CDH23: variants seen among roughly 807,000 people sequenced by gnomAD.
CDH23 encodes the protein cadherin related 23.
A neutral mutation model predicts 317.1 loss-of-function variants in CDH23; 189 were observed. That is an observed-to-expected ratio of 0.60 (90% CI 0.53 to 0.67). The LOEUF (loss-of-function observed/expected upper bound fraction) is 0.67. Ranked by LOEUF, CDH23 falls within the 30% of genes least tolerant of loss-of-function variation. The probability of loss-of-function intolerance (pLI) is 0.00; values close to 1 mark genes in which losing one functional copy is unlikely to be tolerated. For missense variants in CDH23, 4,401 were observed against 4,592.4 expected, an observed-to-expected ratio of 0.96 and a Z score of 1.20; for synonymous variants, 1,839 against 1,876.8, an observed-to-expected ratio of 0.98 and a Z score of 0.52.
At chr10:71,530,960 A>G (rs1855341765) in intron 6 of CDH23, among the ~76,000 whole-genome samples, 1 of 152,240 alleles carries the variant, frequency 6.6e-6, no homozygotes, top group Non-Finnish European at 1.5e-5. Flanking sequence ...CATGATACAT[A>G]GAGAGCCTGT....
At chr10:71,583,252 G>A (rs1053448388) in intron 9 of CDH23, among the ~76,000 whole-genome samples, 1 of 152,078 alleles carries the variant, frequency 6.6e-6, no homozygotes, top group African/African-American at 2.4e-5. Context: ...GGCGGGGTGG[G>A]GGCGGGGGTC....
At chr10:71,472,188 G>T (rs1385742809) in intron 3 of CDH23, among the ~76,000 whole-genome samples, 1 of 152,208 alleles carries the variant, frequency 6.6e-6, no homozygotes, top group Non-Finnish European at 1.5e-5. Context: ...TTCTGCCTGG[G>T]TTTAGCCAAC....
chr10:71,596,379 C>A (rs1359879420), intron 9 of CDH23, among the ~76,000 whole-genome samples: 1 of 152,110 alleles, frequency 6.6e-6, no homozygotes, highest in East Asian at 1.9e-4. Context: ...GGATTCGAAC[C>A]CAGGTCTGCA....
chr10:71,791,870 C>T (rs554089501), intron 47 of CDH23, among the ~76,000 whole-genome samples: 6 of 152,210 alleles, frequency 3.9e-5, no homozygotes, highest in Non-Finnish European at 7.3e-5. Flanking sequence ...GCCACCACGC[C>T]TGGCCTACAA....
intron 9 of CDH23, among the ~76,000 whole-genome samples, chr10:71,611,922 G>T (rs913563276): frequency 1.3e-5 from 2 of 152,186 alleles, no homozygotes; most frequent in African/African-American, 4.8e-5. Flanking sequence ...TGAACTTGAA[G>T]GAATGAGTGA....
intron 39 of CDH23, 41 bp from the exon 40 acceptor site, chr10:71,778,148 C>T (rs1038702972): frequency 1.2e-6 from 2 of 1,611,836 alleles, no homozygotes; most frequent in South Asian, 2.2e-5. Flanking sequence ...GCAGACCTAC[C>T]ACCCCTAGAT....
At chr10:71,765,420 G>A (rs955773735) in intron 38 of CDH23, among the ~76,000 whole-genome samples, 5 of 152,236 alleles carry the variant, frequency 3.3e-5, no homozygotes, top group South Asian at 2.1e-4. Flanking sequence ...GCGCAAAGCT[G>A]AGCTGGGTGG....
chr10:71,737,839 C>A (rs750220388), intron 34 of CDH23: 1 of 464,536 alleles, frequency 2.2e-6, no homozygotes, highest in South Asian at 1.5e-5. Flanking sequence ...AGACACAAAA[C>A]AATATGCTCT....
chr10:71,472,912 G>A (rs541662291), intron 3 of CDH23, among the ~76,000 whole-genome samples: 10 of 152,326 alleles, frequency 6.6e-5, no homozygotes, highest in Non-Finnish European at 1.2e-4. Flanking sequence ...ATTAATACCC[G>A]AATAATGCAT....
rs190331659 is a variant in CDH23, at chr10:71,450,374, T to G, written c.145+3979T>G. Among the ~76,000 whole-genome samples, 960 of 151,122 alleles carry G rather than the reference T, an allele frequency of 6.4e-3. 11 individuals are homozygous for G. Among genetic ancestry groups the G allele is most frequent in the African/African-American group, 0.022 (913 of 41,170 alleles). On this transcript the variant is annotated intron_variant, in intron 3 of 69. Coordinates refer to ENST00000224721, the MANE Select transcript of CDH23 (RefSeq NM_022124.6). ...TCCACCTCCCGGGTTCCAGTGATTC[T>G]CCTGCCTCAGCCTCCTGGGTAGCTG...
intron 9 of CDH23, among the ~76,000 whole-genome samples, chr10:71,593,097 G>C (rs1859609562): frequency 6.6e-6 from 1 of 152,214 alleles, no homozygotes. Context: ...CGTGGGGCAG[G>C]CCCCAAATAC....
At chr10:71,718,379 C>T (rs545490883) in intron 28 of CDH23, among the ~76,000 whole-genome samples, 178 of 152,354 alleles carry the variant, frequency 1.2e-3, no homozygotes, top group African/African-American at 4.0e-3. Flanking sequence ...ACCACCACCC[C>T]TCCCAGCACT....
intron 2 of CDH23, among the ~76,000 whole-genome samples, chr10:71,442,704 A>C (rs535154860): frequency 6.6e-6 from 1 of 152,178 alleles, no homozygotes; most frequent in African/African-American, 2.4e-5. Flanking sequence ...TCCTAGACTG[A>C]CTAGCCAGCA....
rs1337299852 is a variant in CDH23 at position 71,583,431 on chromosome 10, G to A, written c.832+5439G>A. ...TTGGGAAGCCCACTGTGGTCAAGGT[G>A]GAGCAGACAGGTTGGGGGACAGCAG... On this transcript the variant is annotated intron_variant, in intron 9 of 69. Transcript: ENST00000224721. Among the ~76,000 whole-genome samples, 4 of 152,072 alleles carry A rather than the reference G, an allele frequency of 2.6e-5. No homozygotes were observed. In the East Asian group the frequency reaches 7.7e-4, roughly 29 times the overall value.
Position 71,695,468 on chromosome 10 carries a change from C to A in CDH23, c.2340C>A (p.Asp780Glu). The change falls in exon 22 of 70, where the codon GAC becomes GAA. Residue 780 changes from aspartate (D) to glutamate (E), a missense_variant. Physicochemically the swap from Asp to Glu is conservative, Grantham distance 45. Coordinates refer to ENST00000224721, the MANE Select transcript of CDH23 (RefSeq NM_022124.6). ...DINDNHPTWK[D>E]APYYINLVEM... The stretch of plus-strand genomic sequence containing the variant: ...ATGACAACCACCCCACGTGGAAGGA[C>A]GCACCCTACTACATCAACCTGGTGG... The A allele has an allele frequency of 6.2e-7, 1 of 1,613,628 alleles. No individual in the cohort carries two copies. Among genetic ancestry groups the A allele is most frequent in the Non-Finnish European group, 8.5e-7 (1 of 1,179,530 alleles).
chr10:71,572,315 G>C (rs973584458), intron 8 of CDH23, among the ~76,000 whole-genome samples: 5 of 152,098 alleles, frequency 3.3e-5, no homozygotes, highest in African/African-American at 2.4e-5. Context: ...TTGCCAGGCC[G>C]ATACCTTCTC....
At chr10:71,618,845 G>A (rs1254116710) in intron 11 of CDH23, among the ~76,000 whole-genome samples, 1 of 135,124 alleles carries the variant, frequency 7.4e-6, no homozygotes, top group African/African-American at 3.0e-5. Flanking sequence ...GTGCACACGT[G>A]TGTGTGTGTG....
chr10:71,687,391 C>T (rs1256370581), intron 18 of CDH23, among the ~76,000 whole-genome samples: 1 of 152,080 alleles, frequency 6.6e-6, no homozygotes, highest in Non-Finnish European at 1.5e-5. Flanking sequence ...CCGGCACACT[C>T]CCTCTTCCTG....
At chr10:71,556,834 G>A (rs1477098229) in intron 6 of CDH23, among the ~76,000 whole-genome samples, 1 of 152,046 alleles carries the variant, frequency 6.6e-6, no homozygotes. Flanking sequence ...TAAATCACAT[G>A]CCTATACATT....
Sources: allele counts gnomAD v4.1 joint callset (sites outside exome capture counted in the v4.1 genomes callset), GRCh38; gene constraint gnomAD v4.1.1; transcripts MANE v1.5; gene names NCBI Gene and HGNC (gene_info 2026-07-23, HGNC 2026-07-21).